The following RRAGD variants were observed in gnomAD, a reference collection of about 807,000 sequenced individuals.
RRAGD encodes the protein ras-related GTP-binding protein D.
Under a neutral mutation model 35.5 loss-of-function variants are expected in RRAGD, and 12 were observed. The observed-to-expected ratio is 0.34, with a 90% CI of 0.22 to 0.55. The LOEUF (loss-of-function observed/expected upper bound fraction) is 0.55, where lower values mean the gene tolerates loss of function less well. Among genes scored for constraint, RRAGD ranks in the 20% least tolerant of loss-of-function variants. RRAGD has a pLI of 0.91. For missense variants in RRAGD, 324 were observed against 490.1 expected (o/e 0.66, Z 3.20); for synonymous variants, 155 against 178.9 (o/e 0.87, Z 1.07).
In RRAGD at chr6:89,408,354, A is replaced by T. The variant is rs894349226; in HGVS notation, c.148+3492T>A. Among the ~76,000 whole-genome samples, 11 of 152,152 alleles carry T rather than the reference A, an allele frequency of 7.2e-5. No individual in the cohort carries two copies. In the East Asian group the frequency reaches 7.7e-4, roughly 11 times the overall value. On this transcript the variant is annotated intron_variant, in intron 1 of 6. Transcript: ENST00000369415. ...AAAAGGTGAATTCCCTAATATTTTT[A>T]AAATTATTTTAGGAAAAAGCCATGC... is the stretch of plus-strand genomic sequence containing the variant.
intron 2 of RRAGD, among the ~76,000 whole-genome samples, chr6:89,381,188 C>T (rs371757032): frequency 6.6e-6 from 1 of 152,158 alleles, no homozygotes; most frequent in African/African-American, 2.4e-5. Context: ...TTGGAACATG[C>T]TCATTTGCTT....
intron 1 of RRAGD, among the ~76,000 whole-genome samples, chr6:89,407,328 A>G (rs1014636115): frequency 6.6e-6 from 1 of 152,204 alleles, no homozygotes; most frequent in African/African-American, 2.4e-5. Context: ...CCAAAAGAAT[A>G]AAGGAGGTAG....
intron 6 of RRAGD, 46 bp from the exon 7 acceptor site, chr6:89,368,253 T>C (rs780300650): frequency 3.2e-6 from 5 of 1,575,352 alleles, no homozygotes; most frequent in Non-Finnish European, 8.6e-7. Context: ...GTAGAAATAA[T>C]CTCCATCTTT....
intron 5 of RRAGD, among the ~76,000 whole-genome samples, chr6:89,376,612 A>G (rs910279144): frequency 1.3e-5 from 2 of 152,348 alleles, no homozygotes; most frequent in Non-Finnish European, 2.9e-5. Flanking sequence ...CCACCTGTTC[A>G]GCACATTTAT....
rs920962573 is a variant in RRAGD at position 89,412,117 on chromosome 6, C to T, written c.-124G>A. ...TTGTCTAGAGCTCAGCGGGGCCCGGCGGAAGCGGGGGCCGCGCGTCCCCCG... is the reference window on the plus strand; with the variant it reads ...TTGTCTAGAGCTCAGCGGGGCCCGGTGGAAGCGGGGGCCGCGCGTCCCCCG... On this transcript the variant is annotated 5_prime_UTR_variant, in exon 1 of 7. Coordinates refer to ENST00000369415, the MANE Select transcript of RRAGD (RefSeq NM_021244.5). The surrounding 1 kb of genome is among the most constrained non-coding windows in gnomAD (Gnocchi z 4.2). 4.0e-5 allele frequency: 38 copies of T among 946,748 alleles called. No individual in the cohort carries two copies. Among genetic ancestry groups the T allele is most frequent in the Non-Finnish European group, 4.6e-5 (33 of 720,168 alleles). 58.6% of individuals were successfully genotyped at this position (946,748 alleles called of 1,614,324 possible).
chr6:89,394,722 G>A (rs887267465), intron 1 of RRAGD, among the ~76,000 whole-genome samples: 4 of 151,830 alleles, frequency 2.6e-5, no homozygotes, highest in Admixed American at 6.6e-5. Flanking sequence ...TTAATTTAAG[G>A]ATAACCATTT....
rs1337943078 is a variant in RRAGD, at chr6:89,366,662, T to C, written c.*1394A>G. 2 of 152,052 alleles carry C rather than the reference T, an allele frequency of 1.3e-5. No individual in the cohort carries two copies. The highest frequency in any genetic ancestry group is 2.9e-5 in the Non-Finnish European group (2 of 68,008). 9.4% of individuals were successfully genotyped at this position (152,052 alleles called of 1,614,324 possible). A position where few individuals can be genotyped will look rare whatever the true frequency, so the allele number is the denominator to read the frequency against. ...CTCATTTTCTAATGCCCCACAAGCATGCCTTAGGGTGCTAACCCTTGAGAT... is the reference window on the plus strand; with the variant it reads ...CTCATTTTCTAATGCCCCACAAGCACGCCTTAGGGTGCTAACCCTTGAGAT... On this transcript the variant is annotated 3_prime_UTR_variant, in exon 7 of 7. Transcript: ENST00000369415.
At chr6:89,382,110 G>A (rs948254520) in intron 2 of RRAGD, among the ~76,000 whole-genome samples, 13 of 151,746 alleles carry the variant, frequency 8.6e-5, no homozygotes, top group Non-Finnish European at 1.6e-4. Context: ...GGAAAAAACA[G>A]AAAGCCAATA....
intron 1 of RRAGD, among the ~76,000 whole-genome samples, chr6:89,408,523 T>C (rs1190168023): frequency 6.6e-6 from 1 of 152,126 alleles, no homozygotes; most frequent in Non-Finnish European, 1.5e-5. Flanking sequence ...GAACTAATGA[T>C]TAATACATAT....
chr6:89,393,025 C>G (rs1297854260), intron 1 of RRAGD, among the ~76,000 whole-genome samples: 5 of 152,204 alleles, frequency 3.3e-5, no homozygotes, highest in African/African-American at 9.7e-5. Context: ...ACTGCCATTA[C>G]AAGTCAATCT....
At chr6:89,378,106 C>T (rs1768977702) in intron 4 of RRAGD, among the ~76,000 whole-genome samples, 2 of 152,158 alleles carry the variant, frequency 1.3e-5, no homozygotes. Context: ...GAGTTCGAAA[C>T]CAGCCTGACC....
chr6:89,382,898 A>T (rs1406847646), intron 2 of RRAGD, among the ~76,000 whole-genome samples: 1 of 152,076 alleles, frequency 6.6e-6, no homozygotes, highest in African/African-American at 2.4e-5. Flanking sequence ...AAAAAAAATT[A>T]AATTAAATGA....
At chr6:89,398,383 G>A (rs1295138975) in intron 1 of RRAGD, among the ~76,000 whole-genome samples, 6 of 152,152 alleles carry the variant, frequency 3.9e-5, no homozygotes, top group African/African-American at 1.4e-4. Context: ...AGATAAGAAC[G>A]GAAACCCTAA....
At chr6:89,378,254 A>G (rs975014145) in intron 4 of RRAGD, among the ~76,000 whole-genome samples, 2 of 151,894 alleles carry the variant, frequency 1.3e-5, no homozygotes, top group African/African-American at 4.8e-5. Context: ...GTGAGCCGAG[A>G]TGGCGCCATT....
chr6:89,389,390 C>T (rs1769192091), intron 1 of RRAGD, among the ~76,000 whole-genome samples: 1 of 151,824 alleles, frequency 6.6e-6, no homozygotes, highest in Non-Finnish European at 1.5e-5. Flanking sequence ...TCCATCTCTA[C>T]TAAAAATACA....
In RRAGD at chr6:89,412,057, G is replaced by A; in HGVS notation, c.-64C>T. ...CCCGGGGTGGGGGCCAAGCCTCCTA[G>A]CCGGCCGCCCGCAGCCTATTTCTGA... On this transcript the variant is annotated 5_prime_UTR_variant, in exon 1 of 7. Transcript: ENST00000369415. This position sits in a 1 kb window ranked among gnomAD's most constrained non-coding sequence, Gnocchi z 4.2. 2.1e-6 allele frequency: 3 copies of A among 1,448,862 alleles called. No individual in the cohort carries two copies. The highest frequency in any genetic ancestry group is 2.7e-6 in the Non-Finnish European group (3 of 1,096,988). The allele number at this position is 1,448,862 out of a possible 1,614,324, so 89.8% of individuals were successfully genotyped here.
At chr6:89,385,501 T>C (rs1386155435) in intron 2 of RRAGD, among the ~76,000 whole-genome samples, 1 of 152,124 alleles carries the variant, frequency 6.6e-6, no homozygotes, top group Non-Finnish European at 1.5e-5. Context: ...CCTTGAGCAC[T>C]AAGCTCCCTA....
intron 4 of RRAGD, 63 bp from the exon 5 acceptor site, chr6:89,377,876 C>T: frequency 8.1e-7 from 1 of 1,239,990 alleles, no homozygotes; most frequent in Non-Finnish European, 1.1e-6. Flanking sequence ...GTCATGACTA[C>T]ACAAAATTGA....
chr6:89,387,550 C>A lies in RRAGD; in HGVS notation c.189G>T (p.Pro63=). The A allele has an allele frequency of 7.4e-6, 12 of 1,614,116 alleles. No individual in the cohort carries two copies. Among genetic ancestry groups the A allele is most frequent in the Non-Finnish European group, 9.3e-6 (11 of 1,180,032 alleles). The change falls in exon 2 of 7, where the codon CCG becomes CCT. Residue 63 remains proline, a synonymous_variant. Transcript: ENST00000369415. ...FSDPFSTEVK[P]RILLMGLRRS... ...TCCTCAGGCCCATGAGCAGGATTCT[C>A]GGCTTCACTTCAGTGCTGAAGGGGT...
Sources: allele counts gnomAD v4.1 joint callset (sites outside exome capture counted in the v4.1 genomes callset), GRCh38; gene constraint gnomAD v4.1.1; non-coding constraint Gnocchi (gnomAD v3.1); transcripts MANE v1.5; gene names NCBI Gene and HGNC (gene_info 2026-07-23, HGNC 2026-07-21).